ADCY8: variants seen among roughly 807,000 people sequenced by gnomAD.
ADCY8 encodes the protein adenylate cyclase 8.
Under a neutral mutation model 119.7 loss-of-function variants are expected in ADCY8, and 51 were observed. That is an observed-to-expected ratio of 0.43 (90% CI 0.34 to 0.54). The LOEUF is 0.54. Among genes scored for constraint, ADCY8 ranks in the 20% least tolerant of loss-of-function variants. ADCY8 has a pLI of 0.03. For missense variants in ADCY8, 1,383 were observed against 1,598.8 expected, an observed-to-expected ratio of 0.87 and a Z score of 2.30; for synonymous variants, 665 against 651.0, an observed-to-expected ratio of 1.02 and a Z score of -0.33.
chr8:130,864,041 A>C (rs997430056), intron 9 of ADCY8, among the ~76,000 whole-genome samples: 1 of 152,082 alleles, frequency 6.6e-6, no homozygotes, highest in African/African-American at 2.4e-5. Context: ...TTTTTCTGAG[A>C]AAGTATTTTT....
chr8:130,843,582 C>A (rs1223842608), intron 11 of ADCY8, among the ~76,000 whole-genome samples: 1 of 152,194 alleles, frequency 6.6e-6, no homozygotes, highest in Non-Finnish European at 1.5e-5. Flanking sequence ...TTGTCCTTTA[C>A]TGACTGATGC....
chr8:130,839,833 T>G (rs1817087573), intron 11 of ADCY8, among the ~76,000 whole-genome samples: 1 of 140,354 alleles, frequency 7.1e-6, no homozygotes, highest in Non-Finnish European at 1.6e-5. Flanking sequence ...AAATCTGTAC[T>G]TTATTCTGCA....
At chr8:130,963,845 C>T (rs962665235) in intron 2 of ADCY8, among the ~76,000 whole-genome samples, 1 of 152,120 alleles carries the variant, frequency 6.6e-6, no homozygotes, top group African/African-American at 2.4e-5. Context: ...ATCATCCACA[C>T]TCAGAGCAAG....
intron 5 of ADCY8, among the ~76,000 whole-genome samples, chr8:130,929,121 T>C (rs1293713958): frequency 6.6e-6 from 1 of 152,108 alleles, no homozygotes; most frequent in African/African-American, 2.4e-5. Flanking sequence ...AAAAATCAAC[T>C]CTTGGTTTTG....
intron 9 of ADCY8, among the ~76,000 whole-genome samples, chr8:130,864,178 G>T (rs1818036350): frequency 6.6e-6 from 1 of 152,064 alleles, no homozygotes; most frequent in South Asian, 2.1e-4. Context: ...TCTTATCCTT[G>T]TTCCTCTACA....
At chr8:130,980,872 A>G (rs763738308) in intron 2 of ADCY8, among the ~76,000 whole-genome samples, 10 of 152,166 alleles carry the variant, frequency 6.6e-5, no homozygotes, top group Non-Finnish European at 1.3e-4. Context: ...ACTGCATCAC[A>G]GTGGCCTCCC....
At chr8:130,805,829 C>T (rs1815931690) in intron 14 of ADCY8, among the ~76,000 whole-genome samples, 1 of 152,132 alleles carries the variant, frequency 6.6e-6, no homozygotes, top group Non-Finnish European at 1.5e-5. Context: ...AAAGGGAAAC[C>T]TGTGTTATGT....
At chr8:130,993,471 T>A (rs1385791889) in intron 1 of ADCY8, among the ~76,000 whole-genome samples, 1 of 152,156 alleles carries the variant, frequency 6.6e-6, no homozygotes, top group Non-Finnish European at 1.5e-5. Flanking sequence ...AAATGAAACA[T>A]TGATATGGTT....
At chr8:130,814,615 A>G (rs1255360550) in intron 13 of ADCY8, among the ~76,000 whole-genome samples, 1 of 152,224 alleles carries the variant, frequency 6.6e-6, no homozygotes, top group Non-Finnish European at 1.5e-5. Context: ...CTAGTTCCAC[A>G]TGGCTGAGGA....
intron 17 of ADCY8, among the ~76,000 whole-genome samples, chr8:130,783,458 C>A (rs1400304267): frequency 1.3e-5 from 2 of 152,232 alleles, no homozygotes; most frequent in African/African-American, 2.4e-5. Context: ...CAAAGGCTGG[C>A]TGCTTTGTAT....
intron 13 of ADCY8, among the ~76,000 whole-genome samples, chr8:130,818,730 G>A (rs951430513): frequency 5.3e-5 from 8 of 152,176 alleles, no homozygotes; most frequent in Non-Finnish European, 7.3e-5. Flanking sequence ...AGATTAACAG[G>A]ACCCAAAACG....
At chr8:130,820,839 C>G (rs1343527396) in intron 13 of ADCY8, among the ~76,000 whole-genome samples, 2 of 152,236 alleles carry the variant, frequency 1.3e-5, no homozygotes, top group East Asian at 3.8e-4. Flanking sequence ...ATTCTACACA[C>G]AGTAATCTGC....
chr8:130,996,004 A>G (rs1446763292), intron 1 of ADCY8, among the ~76,000 whole-genome samples: 1 of 152,180 alleles, frequency 6.6e-6, no homozygotes, highest in African/African-American at 2.4e-5. Flanking sequence ...TGATAAATAA[A>G]TACATGAATG....
At chr8:130,857,277 C>T (rs1002927518) in intron 9 of ADCY8, among the ~76,000 whole-genome samples, 1 of 152,088 alleles carries the variant, frequency 6.6e-6, no homozygotes, top group African/African-American at 2.4e-5. Context: ...AAAGCCCATC[C>T]ATGAGCCCTG....
At chr8:130,824,037 C>T (rs556557698) in intron 12 of ADCY8, among the ~76,000 whole-genome samples, 36 of 152,056 alleles carry the variant, frequency 2.4e-4, no homozygotes, top group African/African-American at 8.4e-4. Flanking sequence ...AGACTGAGGC[C>T]CACGGAGGAG....
intron 6 of ADCY8, among the ~76,000 whole-genome samples, chr8:130,908,984 G>GCTCT (rs10532518): frequency 2.6e-4 from 34 of 131,462 alleles, no homozygotes; most frequent in Non-Finnish European, 3.5e-4. Context: ...ATGTGGAAGT[G>GCTCT]CTCTCTCTCT....
chr8:130,841,067 A>T (rs1358690349), intron 11 of ADCY8, among the ~76,000 whole-genome samples: 2 of 152,204 alleles, frequency 1.3e-5, no homozygotes, highest in Non-Finnish European at 2.9e-5. Flanking sequence ...AAGAGACCAG[A>T]TTCATCTTAC....
chr8:130,945,840 C>T (rs369899217), intron 3 of ADCY8, among the ~76,000 whole-genome samples: 1 of 152,196 alleles, frequency 6.6e-6, no homozygotes, highest in African/African-American at 2.4e-5. Context: ...GCTCTGAGAG[C>T]CCTACATGTA....
At chr8:130,841,847 A>C (rs1468698761) in intron 11 of ADCY8, among the ~76,000 whole-genome samples, 3 of 152,226 alleles carry the variant, frequency 2.0e-5, no homozygotes, top group Non-Finnish European at 2.9e-5. Flanking sequence ...TCTGATTCTT[A>C]GCAACTGTAG....
Sources: allele counts gnomAD v4.1 joint callset (sites outside exome capture counted in the v4.1 genomes callset), GRCh38; gene constraint gnomAD v4.1.1; transcripts MANE v1.5; gene names NCBI Gene and HGNC (gene_info 2026-07-23, HGNC 2026-07-21).